Variants in PHACTR3 observed in about 807,000 individuals in gnomAD.
The protein encoded by PHACTR3 is phosphatase and actin regulator 3.
In PHACTR3, 16 loss-of-function variants were observed where a neutral mutation model predicts 66.8. The observed-to-expected ratio is 0.24, with a 90% CI of 0.16 to 0.36. The LOEUF (loss-of-function observed/expected upper bound fraction) is 0.36. Ranked by LOEUF, PHACTR3 falls within the 10% of genes least tolerant of loss-of-function variation. The pLI, the probability that PHACTR3 is intolerant of heterozygous loss-of-function variation, is 1.00. For missense variants in PHACTR3, 647 were observed against 719.9 expected (o/e 0.90, Z 1.16); for synonymous variants, 323 against 292.1 (o/e 1.11, Z -1.08).
At chr20:59,613,166 C>T (rs2033914607) in intron 1 of PHACTR3, among the ~76,000 whole-genome samples, 1 of 152,132 alleles carries the variant, frequency 6.6e-6, no homozygotes, top group African/African-American at 2.4e-5. Context: ...TAAATATTGA[C>T]AAGTTTATCT....
chr20:59,793,017 CGA>C (rs2041148816), intron 7 of PHACTR3, among the ~76,000 whole-genome samples: 1 of 151,702 alleles, frequency 6.6e-6, no homozygotes, highest in African/African-American at 2.4e-5. Context: ...TCTGAGTAGC[CGA>C]GACTATAGAC....
intron 1 of PHACTR3, among the ~76,000 whole-genome samples, chr20:59,608,752 C>G (rs576488954): frequency 2.0e-5 from 3 of 152,242 alleles, no homozygotes; most frequent in African/African-American, 7.2e-5. Context: ...AGCTCCAGAC[C>G]TCTGTGTTCT....
chr20:59,847,272 A>G lies in PHACTR3; in HGVS notation c.*142A>G, dbSNP rs891686848. On this transcript the variant is annotated 3_prime_UTR_variant, in exon 13 of 13. Coordinates refer to ENST00000371015, the MANE Select transcript of PHACTR3 (RefSeq NM_080672.5). The stretch of plus-strand genomic sequence containing the variant: ...GAGTAGGATCACACACACAGGTGCA[A>G]TCTTGACCACACTTACCTGCAAGAG... The G allele has an allele frequency of 3.3e-5, 18 of 547,546 alleles. No homozygotes were observed. Among genetic ancestry groups the G allele is most frequent in the Middle Eastern group, 2.8e-4 (1 of 3,554 alleles). The allele number at this position is 547,546 out of a possible 1,614,324, so 33.9% of individuals were successfully genotyped here.
rs2035997547 is a variant in PHACTR3, at chr20:59,666,590, GAA to G, written c.118+61460_118+61461del. Among the ~76,000 whole-genome samples the G allele has an allele frequency of 2.0e-5, 3 of 152,164 alleles. No individual in the cohort carries two copies. The South Asian group carries it at 6.2e-4, about 32-fold the overall frequency. On this transcript the variant is annotated intron_variant, in intron 1 of 12. Transcript: ENST00000371015. ...AGAGACAGAGAGACAGGGAGAGAGA[GAA>G]AGGAAGAGAAAGATGGAGAGAGACA...
intron 5 of PHACTR3, among the ~76,000 whole-genome samples, 176 bp from the exon 6 acceptor site, chr20:59,773,103 C>T (rs760029708): frequency 2.0e-5 from 3 of 152,172 alleles, no homozygotes; most frequent in Non-Finnish European, 2.9e-5. Context: ...GACAGAGATG[C>T]ACCCTGGCCT....
chr20:59,735,306 A>G (rs2038908554), intron 1 of PHACTR3, among the ~76,000 whole-genome samples: 1 of 152,104 alleles, frequency 6.6e-6, no homozygotes, highest in South Asian at 2.1e-4. Flanking sequence ...CAGTCCTGAC[A>G]CACAGCAGGC....
chr20:59,632,775 A>G (rs1415830043), intron 1 of PHACTR3, among the ~76,000 whole-genome samples: 5 of 152,168 alleles, frequency 3.3e-5, no homozygotes, highest in African/African-American at 1.2e-4. Context: ...CCCAGGCTGG[A>G]ATGCAAATGC....
intron 2 of PHACTR3, among the ~76,000 whole-genome samples, chr20:59,744,892 G>A (rs2039310348): frequency 6.6e-6 from 1 of 152,222 alleles, no homozygotes; most frequent in Admixed American, 6.5e-5. Flanking sequence ...GTCGATTGCA[G>A]ACTCCGGCGA....
chr20:59,757,550 G>A (rs1254332761), intron 4 of PHACTR3, among the ~76,000 whole-genome samples: 1 of 152,118 alleles, frequency 6.6e-6, no homozygotes, highest in Non-Finnish European at 1.5e-5. Context: ...CATGAGCTCT[G>A]CAGGCTGGAG....
intron 7 of PHACTR3, among the ~76,000 whole-genome samples, chr20:59,794,232 A>G (rs2041189661): frequency 2.6e-5 from 4 of 151,992 alleles, no homozygotes; most frequent in South Asian, 2.1e-4. Context: ...GATTTGTCAT[A>G]TATGGCCTTT....
intron 1 of PHACTR3, among the ~76,000 whole-genome samples, chr20:59,611,188 T>G (rs758238625): frequency 2.0e-5 from 3 of 152,248 alleles, no homozygotes; most frequent in Non-Finnish European, 4.4e-5. Context: ...ATGGTAGGCA[T>G]TATTGTCCTT....
At chr20:59,726,758 G>A (rs2038577189) in intron 1 of PHACTR3, among the ~76,000 whole-genome samples, 1 of 152,040 alleles carries the variant, frequency 6.6e-6, no homozygotes, top group Non-Finnish European at 1.5e-5. Flanking sequence ...ATATGCTGTT[G>A]ACGGTTTGGA....
At chr20:59,623,001 A>AAAAAAAAAAAAAAAAAAAAAAAAAC (rs1568940633) in intron 1 of PHACTR3, among the ~76,000 whole-genome samples, 1 of 144,802 alleles carries the variant, frequency 6.9e-6, no homozygotes, top group Non-Finnish European at 1.5e-5. Flanking sequence ...AAAAAAAAAA[A>AAAAAAAAAAAAAAAAAAAAAAAAAC]CCCAAATCTT....
intron 9 of PHACTR3, 86 bp downstream of exon 9, chr20:59,836,646 T>G: frequency 7.4e-7 from 1 of 1,356,380 alleles, no homozygotes; most frequent in Non-Finnish European, 1.0e-6. Flanking sequence ...AACCCAGCCC[T>G]TCTCTGCAAG....
intron 1 of PHACTR3, among the ~76,000 whole-genome samples, chr20:59,631,212 G>A (rs1342934239): frequency 1.3e-5 from 2 of 152,238 alleles, no homozygotes; most frequent in Non-Finnish European, 2.9e-5. Flanking sequence ...TCAAGGCAAG[G>A]TCCTTGGATA....
intron 1 of PHACTR3, among the ~76,000 whole-genome samples, chr20:59,651,877 GTAGA>G (rs926995370): frequency 6.2e-5 from 8 of 128,006 alleles, no homozygotes; most frequent in African/African-American, 1.2e-4. Context: ...AGGTAGGTAG[GTAGA>G]TAGACGGATA....
At chr20:59,664,816 C>T (rs1272585803) in intron 1 of PHACTR3, among the ~76,000 whole-genome samples, 1 of 152,170 alleles carries the variant, frequency 6.6e-6, no homozygotes, top group South Asian at 2.1e-4. Context: ...TGCCGCCTTT[C>T]ACAAGTCAGC....
At chr20:59,728,562 C>T (rs149131539) in intron 1 of PHACTR3, among the ~76,000 whole-genome samples, 1 of 151,230 alleles carries the variant, frequency 6.6e-6, no homozygotes, top group African/African-American at 2.4e-5. Context: ...TGGACTATTA[C>T]CTTTTGTTAT....
intron 7 of PHACTR3, among the ~76,000 whole-genome samples, chr20:59,804,978 C>A (rs2041520452): frequency 1.3e-5 from 2 of 152,112 alleles, no homozygotes. Flanking sequence ...AAATCCCGGC[C>A]CAAAAAAACT....
Sources: allele counts gnomAD v4.1 joint callset (sites outside exome capture counted in the v4.1 genomes callset), GRCh38; gene constraint gnomAD v4.1.1; transcripts MANE v1.5; gene names NCBI Gene and HGNC (gene_info 2026-07-23, HGNC 2026-07-21).